HEMK2: variants seen among roughly 807,000 people sequenced by gnomAD.
HEMK2 encodes methyltransferase HEMK2.
At chr21:28,692,036 C>G in the HEMK2 span, among the ~76,000 whole-genome samples, 1 of 152,176 alleles carries the variant, frequency 6.6e-6, no homozygotes, top group East Asian at 1.9e-4. Flanking sequence ...TTTCAACCTT[C>G]CCAAGTGGTT....
the HEMK2 span, among the ~76,000 whole-genome samples, chr21:28,816,930 C>G: frequency 6.6e-6 from 1 of 152,138 alleles, no homozygotes; most frequent in Admixed American, 6.5e-5. Flanking sequence ...GAAATTTCCT[C>G]AGAGCTGAAG....
chr21:28,584,676 CCAGGGGAG>C, the HEMK2 span, among the ~76,000 whole-genome samples: 1 of 151,874 alleles, frequency 6.6e-6, no homozygotes, highest in African/African-American at 2.4e-5. Flanking sequence ...ATCAGTGGGC[CCAGGGGAG>C]CAGGGTACTG....
the HEMK2 span, among the ~76,000 whole-genome samples, chr21:28,701,342 A>G: frequency 2.0e-5 from 3 of 152,258 alleles, no homozygotes; most frequent in East Asian, 3.9e-4. Flanking sequence ...ATAGGAGGAG[A>G]AGAAGTCAAA....
chr21:28,585,471 T>C, the HEMK2 span, among the ~76,000 whole-genome samples: 1 of 151,742 alleles, frequency 6.6e-6, no homozygotes, highest in Non-Finnish European at 1.5e-5. Context: ...ATAAAGAACA[T>C]AGAGTACCTA....
At chr21:28,807,157 C>T in the HEMK2 span, among the ~76,000 whole-genome samples, 7 of 152,296 alleles carry the variant, frequency 4.6e-5, no homozygotes, top group Non-Finnish European at 7.3e-5. Context: ...TGCAACCACC[C>T]GATGGGTAGC....
the HEMK2 span, among the ~76,000 whole-genome samples, chr21:28,634,274 T>C: frequency 1.3e-5 from 2 of 152,162 alleles, no homozygotes; most frequent in Admixed American, 6.5e-5. Context: ...GGGGGAATCC[T>C]ATGGAACTGA....
the HEMK2 span, among the ~76,000 whole-genome samples, chr21:28,716,536 G>A: frequency 6.6e-6 from 1 of 152,208 alleles, no homozygotes; most frequent in Non-Finnish European, 1.5e-5. Flanking sequence ...CCTCTTGGCA[G>A]AGTCTTTAGG....
chr21:28,864,086 C>T, the HEMK2 span, among the ~76,000 whole-genome samples: 1 of 152,162 alleles, frequency 6.6e-6, no homozygotes, highest in East Asian at 1.9e-4. Context: ...CCACCTTGGC[C>T]TCCCAAAGTG....
the HEMK2 span, among the ~76,000 whole-genome samples, chr21:28,868,124 A>C: frequency 6.6e-6 from 1 of 151,944 alleles, no homozygotes; most frequent in Non-Finnish European, 1.5e-5. Flanking sequence ...CAGTTTATTT[A>C]TCTTTGGGTC....
the HEMK2 span, among the ~76,000 whole-genome samples, chr21:28,771,692 C>T: frequency 6.6e-6 from 1 of 152,100 alleles, no homozygotes; most frequent in Admixed American, 6.5e-5. Context: ...TAATCTTTTA[C>T]TATGACTTTC....
chr21:28,614,394 A>G, the HEMK2 span, among the ~76,000 whole-genome samples: 199 of 150,940 alleles, frequency 1.3e-3, no homozygotes, highest in African/African-American at 4.6e-3. Context: ...TTGATAATTC[A>G]CTCTACTGGT....
At chr21:28,790,540 A>G in the HEMK2 span, among the ~76,000 whole-genome samples, 1 of 152,140 alleles carries the variant, frequency 6.6e-6, no homozygotes, top group Admixed American at 6.5e-5. Context: ...ACACAGCACA[A>G]GAATACCCCA....
chr21:28,725,965 C>T, the HEMK2 span, among the ~76,000 whole-genome samples: 1 of 152,082 alleles, frequency 6.6e-6, no homozygotes, highest in Non-Finnish European at 1.5e-5. Flanking sequence ...AATTTAAATT[C>T]CAAAGAAATG....
At chr21:28,629,477 A>G in the HEMK2 span, among the ~76,000 whole-genome samples, 1 of 152,206 alleles carries the variant, frequency 6.6e-6, no homozygotes, top group Non-Finnish European at 1.5e-5. Flanking sequence ...TGCACTTCCA[A>G]AGCAAAGGCC....
chr21:28,788,245 T>C, the HEMK2 span, among the ~76,000 whole-genome samples: 209 of 148,788 alleles, frequency 1.4e-3, 1 homozygote, highest in Admixed American at 4.0e-3. Context: ...TACGTATATA[T>C]GTATATATGT....
At chr21:28,731,028 A>C in the HEMK2 span, among the ~76,000 whole-genome samples, 2 of 152,134 alleles carry the variant, frequency 1.3e-5, no homozygotes, top group African/African-American at 2.4e-5. Context: ...GAAATGACAG[A>C]GGATGGGATA....
chr21:28,839,836 C>T, the HEMK2 span, among the ~76,000 whole-genome samples: 1 of 152,034 alleles, frequency 6.6e-6, no homozygotes, highest in African/African-American at 2.4e-5. Flanking sequence ...CAAAATACCA[C>T]CACCATTCTT....
At chr21:28,677,502 TC>T in the HEMK2 span, among the ~76,000 whole-genome samples, 1 of 152,168 alleles carries the variant, frequency 6.6e-6, no homozygotes, top group Non-Finnish European at 1.5e-5. Context: ...GGCAGCAGTA[TC>T]CTCTGCAGAC....
At chr21:28,830,932 A>G in the HEMK2 span, among the ~76,000 whole-genome samples, 3 of 152,174 alleles carry the variant, frequency 2.0e-5, 1 homozygote, top group African/African-American at 7.2e-5. Flanking sequence ...GAAAGGAAGA[A>G]AGGAAATGGA....
Sources: gnomAD v4.1 joint callset for allele counts (sites outside exome capture counted in the v4.1 genomes callset) on GRCh38, gnomAD v4.1.1 for gene constraint, MANE v1.5 for transcripts, NCBI Gene and HGNC (gene_info 2026-07-23, HGNC 2026-07-21) for gene names.